The following ZBTB49 variants were observed in gnomAD, a reference collection of about 807,000 sequenced individuals.
The protein encoded by ZBTB49 is zinc finger and BTB domain containing 49.
Under a neutral mutation model 57.5 loss-of-function variants are expected in ZBTB49, and 43 were observed. That is an observed-to-expected ratio of 0.75 (90% CI 0.59 to 0.97). The LOEUF (loss-of-function observed/expected upper bound fraction) is 0.97, where lower values mean the gene tolerates loss of function less well. Ranked by LOEUF, ZBTB49 falls within the 50% of genes least tolerant of loss-of-function variation. The pLI is 0.00. For synonymous variants in ZBTB49, 369 were observed against 362.1 expected (o/e 1.02, Z -0.22); for missense variants, 938 against 947.7 (o/e 0.99, Z 0.13).
In ZBTB49 at chr4:4,302,783, A is replaced by T; in HGVS notation, c.947A>T (p.Lys316Met). The change falls in exon 3 of 8, where the codon AAG becomes ATG. Residue 316 changes from lysine to methionine, a missense_variant. By Grantham distance (95) the Lys-to-Met change is moderately conservative. This residue lies in a region of ZBTB49 where 835 missense variants were observed against 819.1 expected (regional missense o/e 1.02). Coordinates refer to ENST00000337872, the MANE Select transcript of ZBTB49 (RefSeq NM_145291.4). ...AIHLKKLNFL[K>M]SQKYAEQVSE... ...CATCTGAAGAAGCTCAATTTCCTGA[A>T]GTCACAGAAATACGCAGAGCAAGTA... 1 of 1,614,184 alleles carries T rather than the reference A, an allele frequency of 6.2e-7. No individual in the cohort carries two copies. Among genetic ancestry groups the T allele is most frequent in the Non-Finnish European group, 8.5e-7 (1 of 1,180,020 alleles).
At chr4:4,313,755 C>T (rs148531642) in intron 5 of ZBTB49, among the ~76,000 whole-genome samples, 2 of 152,340 alleles carry the variant, frequency 1.3e-5, no homozygotes, top group Non-Finnish European at 2.9e-5. Flanking sequence ...TTGGGCTGTA[C>T]GTCAATCAGG....
At chr4:4,300,125 G>A in intron 2 of ZBTB49, 28 bp downstream of exon 2, 1 of 1,611,430 alleles carries the variant, frequency 6.2e-7, no homozygotes, top group Non-Finnish European at 8.5e-7. Flanking sequence ...CATTCTCCTA[G>A]CTGTGAATTA....
In ZBTB49 at chr4:4,302,244, A is replaced by G. The variant is rs755220267; in HGVS notation, c.408A>G (p.Leu136=). 6.2e-7 allele frequency: 1 copy of G among 1,614,268 alleles called. No individual in the cohort carries two copies. Among genetic ancestry groups the G allele is most frequent in the Non-Finnish European group, 8.5e-7 (1 of 1,180,048 alleles). Residue 136 remains leucine (L), a synonymous_variant, in exon 3 of 8, where the codon CTA becomes CTG. Coordinates refer to ENST00000337872, the MANE Select transcript of ZBTB49 (RefSeq NM_145291.4). ...TGCCTTGTAATAGTACATTGTCTCT[A>G]CAAAGCACCCTGACCCCAGATGCCA... ...PGMPCNSTLS[L]QSTLTPDATC... is the part of the protein sequence containing the mutation.
In ZBTB49 at chr4:4,302,642, C is replaced by CCGA. The variant is rs895777197; in HGVS notation, c.807_809dup (p.Pro269_Glu270insAsp). On this transcript the variant is annotated inframe_insertion, in exon 3 of 8. Coordinates refer to ENST00000337872, the MANE Select transcript of ZBTB49 (RefSeq NM_145291.4). ...CATTCTGAATGCATCCTGGAGTCTCCCGAGCACTTACCTTCCAACTTCCTG... is the reference window on the plus strand; with the variant it reads ...CATTCTGAATGCATCCTGGAGTCTCCCGACGAGCACTTACCTTCCAACTTCCTG... The CCGA allele has an allele frequency of 3.7e-6, 6 of 1,611,206 alleles. No individual in the cohort carries two copies. Among genetic ancestry groups the CCGA allele is most frequent in the Non-Finnish European group, 5.1e-6 (6 of 1,178,522 alleles).
rs371603081 is a variant in ZBTB49 at position 4,320,670 on chromosome 4, G to T, written c.1652G>T (p.Arg551Leu). The change falls in exon 8 of 8, where the codon CGC becomes CTC. Residue 551 changes from arginine (R) to leucine (L), a missense_variant. Coordinates refer to ENST00000337872, the MANE Select transcript of ZBTB49 (RefSeq NM_145291.4). ...TGTTTTGGGGGATCAGGTGACCTCC[G>T]CAGGCATGTCCGCACTCACACTGGG... ...GKCFGGSGDL[R>L]RHVRTHTGEK... 2 of 1,613,964 alleles carry T rather than the reference G, an allele frequency of 1.2e-6. No homozygotes were observed. Among genetic ancestry groups the T allele is most frequent in the Non-Finnish European group, 1.7e-6 (2 of 1,180,032 alleles).
At chr4:4,318,735 G>A (rs775118540) in intron 7 of ZBTB49, among the ~76,000 whole-genome samples, 1 of 152,228 alleles carries the variant, frequency 6.6e-6, no homozygotes, top group Non-Finnish European at 1.5e-5. Flanking sequence ...AGTAAAGTGT[G>A]TGTTATAAGG....
intron 1 of ZBTB49, among the ~76,000 whole-genome samples, chr4:4,291,883 C>G (rs934218154): frequency 5.3e-5 from 8 of 152,186 alleles, no homozygotes; most frequent in African/African-American, 1.9e-4. Context: ...GTAATCCCAG[C>G]GCTTTGGGAG....
chr4:4,303,024 G>A lies in ZBTB49; in HGVS notation c.1188G>A (p.Ala396=), dbSNP rs757308324. The A allele has an allele frequency of 2.2e-5, 35 of 1,613,876 alleles. No individual in the cohort carries two copies. Among genetic ancestry groups the A allele is most frequent in the Non-Finnish European group, 2.5e-5 (29 of 1,179,986 alleles). The stretch of plus-strand genomic sequence containing the variant: ...CACTTCAGTCCCAGAGACAATACGC[G>A]TGTGAATTATGCGGGAAACCTTTTA... ...SQTLQSQRQY[A]CELCGKPFKH... Residue 396 remains alanine (A), a synonymous_variant, in exon 3 of 8, where the codon GCG becomes GCA. Transcript: ENST00000337872.
intron 7 of ZBTB49, among the ~76,000 whole-genome samples, chr4:4,316,511 G>C (rs16835581): frequency 0.064 from 9,778 of 152,230 alleles, 801 homozygotes; most frequent in East Asian, 0.32. Context: ...TGTGATCACA[G>C]CGTTGGAGCC....
chr4:4,303,760 C>CTGTGTG (rs1553805028), intron 3 of ZBTB49, among the ~76,000 whole-genome samples: 19 of 121,408 alleles, frequency 1.6e-4, no homozygotes, highest in Admixed American at 4.1e-4. Context: ...CTCTCTCTCT[C>CTGTGTG]TGTGTGTGTG....
chr4:4,291,444 C>T (rs1016344902), intron 1 of ZBTB49, among the ~76,000 whole-genome samples: 7 of 152,172 alleles, frequency 4.6e-5, no homozygotes, highest in Admixed American at 4.6e-4. Context: ...ACTTAATTAC[C>T]TTCTTACAAG....
chr4:4,306,016 T>G, intron 3 of ZBTB49, 122 bp from the exon 4 acceptor site: 1 of 707,552 alleles, frequency 1.4e-6, no homozygotes, highest in East Asian at 2.7e-5. Context: ...CTCCCTATTT[T>G]CATACTGTTA....
intron 7 of ZBTB49, 107 bp from the exon 8 acceptor site, chr4:4,320,533 G>A: frequency 7.1e-7 from 1 of 1,416,952 alleles, no homozygotes; most frequent in Non-Finnish European, 9.6e-7. Context: ...CCAGCTACTT[G>A]AGAGGCTGAG....
Position 4,321,184 on chromosome 4 carries a change from C to T in ZBTB49, c.2166C>T (p.His722=), listed in dbSNP as rs764909072. The T allele has an allele frequency of 3.7e-6, 6 of 1,614,098 alleles. No individual in the cohort carries two copies. The highest frequency in any genetic ancestry group is 1.7e-5 in the Admixed American group (1 of 60,008). ...CCTCTCTGGCTGCTTTGGACAACCACGGCGGTGACCCCCTGGGCAGTCGAG... is the reference window on the plus strand; with the variant it reads ...CCTCTCTGGCTGCTTTGGACAACCATGGCGGTGACCCCCTGGGCAGTCGAG... ...IRSSLAALDN[H]GGDPLGSRAS... is the part of the protein sequence containing the mutation. Residue 722 remains histidine, a synonymous_variant, in exon 8 of 8, where the codon CAC becomes CAT. Transcript: ENST00000337872.
rs929103460 is a variant in ZBTB49, at chr4:4,321,726, A to G, written c.*410A>G. On this transcript the variant is annotated 3_prime_UTR_variant, in exon 8 of 8. Coordinates refer to ENST00000337872, the MANE Select transcript of ZBTB49 (RefSeq NM_145291.4). ...ATTTTGTATTATTTACACAGAATTT[A>G]TTTGTATATGAAACTCATACCATAA... 1.2e-4 allele frequency: 22 copies of G among 187,722 alleles called. No individual in the cohort carries two copies. The highest frequency in any genetic ancestry group is 3.5e-4 in the East Asian group (2 of 5,670). The allele number at this position is 187,722 out of a possible 1,614,324, so 11.6% of individuals were successfully genotyped here.
At chr4:4,297,678 G>T (rs1720275431) in intron 1 of ZBTB49, among the ~76,000 whole-genome samples, 1 of 151,964 alleles carries the variant, frequency 6.6e-6, no homozygotes, top group African/African-American at 2.4e-5. Flanking sequence ...CACAGTTGTG[G>T]TGGGAGGATC....
intron 4 of ZBTB49, among the ~76,000 whole-genome samples, chr4:4,306,500 G>A (rs533540309): frequency 6.6e-6 from 1 of 152,308 alleles, no homozygotes; most frequent in South Asian, 2.1e-4. Context: ...CGTACCTGGA[G>A]GCTGCACATT....
chr4:4,292,140 G>A (rs1719970803), intron 1 of ZBTB49, among the ~76,000 whole-genome samples: 1 of 152,148 alleles, frequency 6.6e-6, no homozygotes, highest in South Asian at 2.1e-4. Context: ...AATTAGCTGG[G>A]TGTGGTGGTG....
chr4:4,309,359 A>G (rs1054993437), intron 4 of ZBTB49, among the ~76,000 whole-genome samples: 2 of 152,180 alleles, frequency 1.3e-5, no homozygotes, highest in African/African-American at 4.8e-5. Context: ...GTCCTACTTT[A>G]GAGTATGACT....
Sources: gnomAD v4.1 joint callset for allele counts (sites outside exome capture counted in the v4.1 genomes callset) on GRCh38, gnomAD v4.1.1 for gene constraint, gnomAD v4.1.1 regional missense constraint, MANE v1.5 for transcripts, NCBI Gene and HGNC (gene_info 2026-07-23, HGNC 2026-07-21) for gene names.